Variants in TMPRSS12 observed in about 807,000 individuals in gnomAD.
TMPRSS12 encodes the protein transmembrane serine protease 12.
TMPRSS12 carries 25 observed loss-of-function variants against 26.0 expected under a neutral mutation model. The observed-to-expected ratio is 0.96, with a 90% CI of 0.70 to 1.34. TMPRSS12 has a LOEUF of 1.34. Ranked by LOEUF, TMPRSS12 falls within the 40% of genes most tolerant of loss-of-function variation. TMPRSS12 has a pLI of 0.00. For synonymous variants in TMPRSS12, 150 were observed against 161.7 expected (o/e 0.93, Z 0.55); for missense variants, 441 against 440.1 (o/e 1.00, Z -0.02).
At chr12:50,849,162 C>T (rs1937801243) in intron 2 of TMPRSS12, among the ~76,000 whole-genome samples, 1 of 152,062 alleles carries the variant, frequency 6.6e-6, no homozygotes, top group East Asian at 1.9e-4. Context: ...CATACAGCCA[C>T]CAATGGATAT....
intron 2 of TMPRSS12, among the ~76,000 whole-genome samples, chr12:50,854,971 T>G (rs1937861831): frequency 6.6e-6 from 1 of 152,148 alleles, no homozygotes; most frequent in Admixed American, 6.6e-5. Flanking sequence ...ATTCTAAAAT[T>G]CACGTGGAAC....
chr12:50,882,017 A>G (rs1938178418), intron 3 of TMPRSS12, among the ~76,000 whole-genome samples: 1 of 78,584 alleles, frequency 1.3e-5, no homozygotes, highest in Non-Finnish European at 2.3e-5. Flanking sequence ...ATATATATAT[A>G]TATATATATA....
chr12:50,859,781 G>A (rs191589903), intron 3 of TMPRSS12, among the ~76,000 whole-genome samples: 18 of 152,276 alleles, frequency 1.2e-4, no homozygotes, highest in African/African-American at 4.1e-4. Context: ...TCTACCCTAG[G>A]TGTGCAGCAG....
At chr12:50,875,085 C>A (rs893312333) in intron 3 of TMPRSS12, among the ~76,000 whole-genome samples, 1 of 152,072 alleles carries the variant, frequency 6.6e-6, no homozygotes, top group Non-Finnish European at 1.5e-5. Flanking sequence ...CTAGAAAAAA[C>A]TTTTCTAAAA....
At chr12:50,847,501 G>A (rs1190426965) in intron 2 of TMPRSS12, among the ~76,000 whole-genome samples, 2 of 151,156 alleles carry the variant, frequency 1.3e-5, no homozygotes, top group African/African-American at 4.9e-5. Flanking sequence ...TTTATGAGAG[G>A]GAGTTTCGCT....
intron 4 of TMPRSS12, chr12:50,887,002 T>A: frequency 2.5e-6 from 1 of 393,470 alleles, no homozygotes; most frequent in Non-Finnish European, 4.5e-6. Context: ...ATTTGATTTA[T>A]AGTATTCTGG....
In TMPRSS12 at chr12:50,855,803, C is replaced by T. The variant is rs1192302998; in HGVS notation, c.384-2982C>T. ...CACAATAGCAAAGACATGGAATCAA[C>T]CTAGATGCTCATCAATGATGGACTG... On this transcript the variant is annotated intron_variant, in intron 2 of 4. Transcript: ENST00000398458. Among the ~76,000 whole-genome samples, 3 of 152,092 alleles carry T rather than the reference C, an allele frequency of 2.0e-5. No individual in the cohort carries two copies. The East Asian group carries it at 5.8e-4, about 29-fold the overall frequency.
intron 3 of TMPRSS12, among the ~76,000 whole-genome samples, chr12:50,859,323 C>T (rs1029664269): frequency 1.3e-5 from 2 of 151,746 alleles, no homozygotes; most frequent in Non-Finnish European, 2.9e-5. Context: ...TCAAGTGATT[C>T]TCCTGCCTCA....
intron 3 of TMPRSS12, among the ~76,000 whole-genome samples, chr12:50,876,635 T>C (rs1221803971): frequency 1.3e-5 from 2 of 151,842 alleles, no homozygotes; most frequent in Admixed American, 6.6e-5. Flanking sequence ...AAACCCCGTC[T>C]CTACTAAATA....
At chr12:50,886,576 C>T (rs749923386) in intron 4 of TMPRSS12, 1 of 152,196 alleles carries the variant, frequency 6.6e-6, no homozygotes, top group Admixed American at 6.5e-5. Context: ...AATAATTATT[C>T]AATGCCTGCC....
intron 3 of TMPRSS12, among the ~76,000 whole-genome samples, chr12:50,876,803 CAA>C (rs35311314): frequency 2.3e-4 from 17 of 75,370 alleles, no homozygotes; most frequent in Admixed American, 1.1e-3. Flanking sequence ...GACTCTGTCT[CAA>C]AAAAAAAAAA....
In TMPRSS12 at chr12:50,843,102, C is replaced by G. The variant is rs755616648; in HGVS notation, c.138C>G (p.Ala46=). Residue 46 remains alanine (A), a synonymous_variant, in exon 1 of 5, where the codon GCC becomes GCG. Coordinates refer to ENST00000398458, the MANE Select transcript of TMPRSS12 (RefSeq NM_182559.3). ...EPAASSQQAE[A]VRKRLRRRRE... ...CGGCTAGTTCCCAGCAGGCTGAGGC[C>G]GTCCGCAAGAGGCTCCGGCGGCGGA... The G allele has an allele frequency of 1.3e-6, 2 of 1,580,314 alleles. No individual in the cohort carries two copies. The highest frequency in any genetic ancestry group is 1.7e-6 in the Non-Finnish European group (2 of 1,163,288).
At position 50,850,402 on chromosome 12, in the gene TMPRSS12, G is replaced by C. The variant is rs561623077; in HGVS notation, c.383+6365G>C. ...AAGACCAGCCTAGGCAAAATGGCGA[G>C]ACCCTGTCTCTACAAAAAATTTTAA... On this transcript the variant is annotated intron_variant, in intron 2 of 4. Transcript: ENST00000398458. Among the ~76,000 whole-genome samples, 198 of 152,210 alleles carry C rather than the reference G, an allele frequency of 1.3e-3. 1 individual carries two copies. Among genetic ancestry groups the C allele is most frequent in the African/African-American group, 4.5e-3 (186 of 41,540 alleles).
chr12:50,843,420 TG>T (rs1224525760), intron 1 of TMPRSS12, among the ~76,000 whole-genome samples: 2 of 152,124 alleles, frequency 1.3e-5, no homozygotes, highest in African/African-American at 4.8e-5. Context: ...GATAAAGAGT[TG>T]AAAGGGAGGG....
intron 3 of TMPRSS12, among the ~76,000 whole-genome samples, chr12:50,883,859 G>A (rs937684210): frequency 6.6e-6 from 1 of 152,000 alleles, no homozygotes; most frequent in Non-Finnish European, 1.5e-5. Flanking sequence ...ACAATTAGCT[G>A]GGCATGATGG....
intron 2 of TMPRSS12, among the ~76,000 whole-genome samples, chr12:50,852,478 T>G (rs1481381416): frequency 1.3e-5 from 2 of 152,238 alleles, no homozygotes; most frequent in Non-Finnish European, 2.9e-5. Flanking sequence ...TGGCACAATC[T>G]TGACTCACTG....
intron 3 of TMPRSS12, among the ~76,000 whole-genome samples, chr12:50,873,587 T>A (rs951007655): frequency 5.1e-4 from 77 of 152,146 alleles, no homozygotes; most frequent in African/African-American, 1.7e-3. Context: ...GGATAATATA[T>A]AGGTAAATGT....
chr12:50,884,688 A>G (rs1039113381), intron 3 of TMPRSS12, among the ~76,000 whole-genome samples: 3 of 152,002 alleles, frequency 2.0e-5, no homozygotes, highest in Non-Finnish European at 2.9e-5. Context: ...CCTGGCCAAC[A>G]TGGTGAAACC....
At chr12:50,868,705 A>C (rs966740657) in intron 3 of TMPRSS12, among the ~76,000 whole-genome samples, 6 of 152,186 alleles carry the variant, frequency 3.9e-5, no homozygotes, top group African/African-American at 1.4e-4. Flanking sequence ...CTTTCTATTC[A>C]ACACTGCATG....
Sources: allele counts gnomAD v4.1 joint callset (sites outside exome capture counted in the v4.1 genomes callset), GRCh38; gene constraint gnomAD v4.1.1; transcripts MANE v1.5; gene names NCBI Gene and HGNC (gene_info 2026-07-23, HGNC 2026-07-21).